BCL2L13: variants seen among roughly 807,000 people sequenced by gnomAD.
BCL2L13 encodes bcl-2-like protein 13.
A neutral mutation model predicts 25.8 loss-of-function variants in BCL2L13; 13 were observed. The ratio of observed to expected loss-of-function variants is 0.50; its 90% CI spans 0.33 to 0.80. The LOEUF (loss-of-function observed/expected upper bound fraction) is 0.80. BCL2L13 is among the 30% of genes least tolerant of loss of function. The pLI, the probability that BCL2L13 is intolerant of heterozygous loss-of-function variation, is 0.02. For synonymous variants in BCL2L13, 244 were observed against 230.3 expected (o/e 1.06, Z -0.54); for missense variants, 504 against 574.9 (o/e 0.88, Z 1.26).
chr22:17,721,912 G>A (rs1231331500), intron 6 of BCL2L13, among the ~76,000 whole-genome samples: 2 of 149,362 alleles, frequency 1.3e-5, no homozygotes, highest in Admixed American at 6.6e-5. Context: ...TGCCCTGCTC[G>A]GCCTCCCAAA....
intron 5 of BCL2L13, among the ~76,000 whole-genome samples, chr22:17,701,882 C>T (rs2535709): frequency 0.15 from 21,619 of 146,886 alleles, 2,037 homozygotes; most frequent in Non-Finnish European, 0.21. Context: ...CAAGACTGTG[C>T]CACTGCCTGG....
At position 17,698,555 on chromosome 22, in the gene BCL2L13, TTAAAAA is replaced by T. The variant is rs1351027451; in HGVS notation, c.456+2346_456+2351del. ...GGGCAACATAGCAAGACCCTGTCTCTTAAAAAAAAAAAAAAAAAAAAAGCCATACAT... is the reference window on the plus strand; with the variant it reads ...GGGCAACATAGCAAGACCCTGTCTCTAAAAAAAAAAAAAAAAGCCATACAT... On this transcript the variant is annotated intron_variant, in intron 5 of 6. Coordinates refer to ENST00000317582, the MANE Select transcript of BCL2L13 (RefSeq NM_015367.4). Among the ~76,000 whole-genome samples the T allele has an allele frequency of 2.3e-4, 22 of 97,752 alleles. 1 individual carries two copies. The highest frequency in any genetic ancestry group is 9.8e-4 in the African/African-American group (20 of 20,378). 64.1% of individuals were successfully genotyped at this position (97,752 alleles called of 152,430 possible). A position where few individuals can be genotyped will look rare whatever the true frequency, so the allele number is the denominator to read the frequency against.
chr22:17,656,327 AT>A (rs1339469390), intron 2 of BCL2L13, among the ~76,000 whole-genome samples: 1 of 93,390 alleles, frequency 1.1e-5, no homozygotes, highest in African/African-American at 4.3e-5. Context: ...ATTTTTTTTC[AT>A]TTTATTCTTT....
chr22:17,686,014 C>T (rs576156933), intron 3 of BCL2L13, among the ~76,000 whole-genome samples: 47 of 151,790 alleles, frequency 3.1e-4, no homozygotes, highest in African/African-American at 1.0e-3. Context: ...CCTCATGACC[C>T]GCCCACCTCA....
At chr22:17,638,971 G>C (rs561340264) in intron 1 of BCL2L13, 85 bp downstream of exon 1, 13 of 1,106,732 alleles carry the variant, frequency 1.2e-5, no homozygotes, top group Non-Finnish European at 1.4e-5. Context: ...AGACCGTATC[G>C]AGCCACCGAC....
At chr22:17,637,386 G>A (rs150887895), upstream of BCL2L13, among the ~76,000 whole-genome samples, 438 of 126,280 alleles carry the variant, frequency 3.5e-3, 3 homozygotes, top group African/African-American at 0.012. Flanking sequence ...CAGCCTGGGC[G>A]ACAGAGTGAG....
In BCL2L13 at chr22:17,664,761, C is replaced by T. The variant is rs143130436; in HGVS notation, c.121+8929C>T. Among the ~76,000 whole-genome samples, 264 of 152,358 alleles carry T rather than the reference C, an allele frequency of 1.7e-3. 3 individuals carry two copies. Among genetic ancestry groups the T allele is most frequent in the African/African-American group, 5.8e-3 (242 of 41,590 alleles). On this transcript the variant is annotated intron_variant, in intron 2 of 6. Transcript: ENST00000317582. ...CTGCAGGCCCAACACCATGTGGAAG[C>T]TGCCAAGGCTTAGGACTTTCACCCC...
intron 2 of BCL2L13, among the ~76,000 whole-genome samples, chr22:17,680,126 A>G (rs2059692498): frequency 6.7e-6 from 1 of 149,314 alleles, no homozygotes; most frequent in African/African-American, 2.5e-5. Context: ...AGGCAGGAGA[A>G]TTGCTTGAAC....
intron 5 of BCL2L13, among the ~76,000 whole-genome samples, chr22:17,701,050 A>G (rs1249889865): frequency 6.6e-6 from 1 of 152,106 alleles, no homozygotes; most frequent in Non-Finnish European, 1.5e-5. Context: ...AACAAAAGAG[A>G]TTGCATGCAG....
intron 6 of BCL2L13, among the ~76,000 whole-genome samples, chr22:17,704,059 A>G (rs998702517): frequency 3.9e-5 from 6 of 152,210 alleles, no homozygotes; most frequent in African/African-American, 1.2e-4. Flanking sequence ...GCCAAAAGAA[A>G]AGATCTACTG....
chr22:17,669,030 CTTTTTTTTTT>C (rs537315017), intron 2 of BCL2L13, among the ~76,000 whole-genome samples: 2 of 111,834 alleles, frequency 1.8e-5, no homozygotes, highest in African/African-American at 6.9e-5. Flanking sequence ...CTGTTTCTTT[CTTTTTTTTTT>C]TTTTTTTTTT....
At chr22:17,705,495 C>T (rs2060564819) in intron 6 of BCL2L13, among the ~76,000 whole-genome samples, 1 of 151,710 alleles carries the variant, frequency 6.6e-6, no homozygotes, top group Non-Finnish European at 1.5e-5. Flanking sequence ...GATGGGTTTT[C>T]ACTGTGTTAG....
chr22:17,679,384 C>T (rs1033496551), intron 2 of BCL2L13, among the ~76,000 whole-genome samples: 2 of 151,342 alleles, frequency 1.3e-5, no homozygotes, highest in Non-Finnish European at 2.9e-5. Context: ...ATTCTCCCAC[C>T]TCAGCCTACC....
intron 4 of BCL2L13, among the ~76,000 whole-genome samples, chr22:17,691,137 G>C (rs1364312031): frequency 4.6e-5 from 7 of 152,188 alleles, no homozygotes; most frequent in Admixed American, 4.6e-4. Flanking sequence ...AAAGTGCTAA[G>C]ATTACAGGTG....
intron 6 of BCL2L13, 117 bp downstream of exon 6, chr22:17,702,503 G>A: frequency 1.0e-6 from 1 of 991,810 alleles, no homozygotes; most frequent in Non-Finnish European, 1.4e-6. Flanking sequence ...CTAATTGCTG[G>A]CACTATCATG....
intron 2 of BCL2L13, among the ~76,000 whole-genome samples, chr22:17,660,047 G>T (rs553911607): frequency 5.5e-5 from 8 of 145,970 alleles, no homozygotes; most frequent in Admixed American, 2.7e-4. Context: ...GTGGAGATGG[G>T]TTTTCACCAT....
At chr22:17,691,070 A>G (rs1217060930) in intron 4 of BCL2L13, among the ~76,000 whole-genome samples, 2 of 151,906 alleles carry the variant, frequency 1.3e-5, no homozygotes, top group Non-Finnish European at 2.9e-5. Context: ...TCACTATGTT[A>G]CCCAGACTAG....
At chr22:17,663,690 T>TTC (rs1162511568) in intron 2 of BCL2L13, among the ~76,000 whole-genome samples, 57 of 142,492 alleles carry the variant, frequency 4.0e-4, no homozygotes, top group African/African-American at 1.4e-3. Flanking sequence ...TTCCTTTTTT[T>TTC]TTTTTTTTTT....
chr22:17,705,800 C>T (rs1369518859), intron 6 of BCL2L13, among the ~76,000 whole-genome samples: 1 of 152,010 alleles, frequency 6.6e-6, no homozygotes, highest in Non-Finnish European at 1.5e-5. Context: ...ATGTATTTGT[C>T]ATTAGTCACT....
Sources: gnomAD v4.1 joint callset for allele counts (sites outside exome capture counted in the v4.1 genomes callset) on GRCh38, gnomAD v4.1.1 for gene constraint, MANE v1.5 for transcripts, NCBI Gene and HGNC (gene_info 2026-07-23, HGNC 2026-07-21) for gene names.